ZNF69: variants seen among roughly 807,000 people sequenced by gnomAD.
The protein encoded by ZNF69 is ZNF3.
ZNF69 carries 47 observed loss-of-function variants against 50.9 expected under a neutral mutation model. That is an observed-to-expected ratio of 0.92 (90% confidence interval 0.73 to 1.18). The LOEUF (loss-of-function observed/expected upper bound fraction) is 1.18. ZNF69 is among the 50% of genes most tolerant of loss of function. ZNF69 has a pLI of 0.00. For missense variants in ZNF69, 717 were observed against 675.1 expected, an observed-to-expected ratio of 1.06 and a Z score of -0.69; for synonymous variants, 216 against 223.1, an observed-to-expected ratio of 0.97 and a Z score of 0.29.
rs145979430 is a variant in ZNF69, at chr19:11,895,429, G to A, written c.63+7443G>A. Among the ~76,000 whole-genome samples the A allele has an allele frequency of 8.1e-4, 123 of 152,286 alleles. 2 individuals are homozygous for A. In the South Asian group the frequency reaches 0.011, roughly 13 times the overall value. On this transcript the variant is annotated intron_variant, in intron 1 of 3. Coordinates refer to ENST00000429654, the MANE Select transcript of ZNF69 (RefSeq NM_001364730.1). ...CCAGGGAATTGAACAAGGAGACGTCGCTCAGGGAGTTGTTTCTGGTGGATT... is the reference window on the plus strand; with the variant it reads ...CCAGGGAATTGAACAAGGAGACGTCACTCAGGGAGTTGTTTCTGGTGGATT...
chr19:11,887,953 A>T lies in ZNF69; in HGVS notation c.30A>T (p.Arg10Ser). 1 of 1,612,480 alleles carries T rather than the reference A, an allele frequency of 6.2e-7. No individual in the cohort carries two copies. Among genetic ancestry groups the T allele is most frequent in the Non-Finnish European group, 8.5e-7 (1 of 1,178,938 alleles). MPCCSHRRC[R>S]EDPGTSESQE... The stretch of plus-strand genomic sequence containing the variant: ...CCTGCTGTAGTCACAGGAGGTGTAG[A>T]GAGGACCCCGGGACATCTGAAAGCC... Residue 10 changes from arginine to serine, a missense_variant, in exon 1 of 4, where the codon AGA (arginine) becomes AGT (serine). By Grantham distance (110) the Arg-to-Ser change is moderately radical. Coordinates refer to ENST00000429654, the MANE Select transcript of ZNF69 (RefSeq NM_001364730.1).
chr19:11,906,966 T>C (rs1972386681), downstream of ZNF69, among the ~76,000 whole-genome samples: 1 of 151,940 alleles, frequency 6.6e-6, no homozygotes, highest in Non-Finnish European at 1.5e-5. Flanking sequence ...GAATAAACAG[T>C]GTAGAGAAGA....
At chr19:11,933,204 A>T in the ZNF69 span, among the ~76,000 whole-genome samples, 1 of 145,838 alleles carries the variant, frequency 6.9e-6, no homozygotes, top group South Asian at 2.1e-4. Context: ...GATAGCTTGG[A>T]CTCAGGAGTT....
intron 1 of ZNF69, among the ~76,000 whole-genome samples, chr19:11,891,600 A>G (rs552228028): frequency 4.6e-5 from 7 of 152,242 alleles, no homozygotes; most frequent in Admixed American, 3.3e-4. Flanking sequence ...GGCTGACAGC[A>G]TCACAAAATT....
downstream of ZNF69, among the ~76,000 whole-genome samples, chr19:11,908,436 A>C (rs1972410653): frequency 6.6e-6 from 1 of 152,230 alleles, no homozygotes; most frequent in South Asian, 2.1e-4. Context: ...AGCACTCCTC[A>C]GCAAATGTAG....
chr19:11,894,238 C>T (rs1053379934), intron 1 of ZNF69, among the ~76,000 whole-genome samples: 2 of 152,164 alleles, frequency 1.3e-5, no homozygotes, highest in Admixed American at 6.5e-5. Flanking sequence ...GGCACGACCT[C>T]GGCTCACTGC....
intron 1 of ZNF69, 56 bp from the exon 2 acceptor site, chr19:11,903,517 G>C: frequency 1.2e-6 from 2 of 1,607,330 alleles, no homozygotes; most frequent in South Asian, 2.2e-5. Flanking sequence ...ATAGAGTCTA[G>C]GCCCCCAGTG....
chr19:11,978,990 C>T, the ZNF69 span: 22 of 1,614,062 alleles, frequency 1.4e-5, no homozygotes, highest in East Asian at 2.9e-4. Flanking sequence ...CAGTTCCCTT[C>T]GTAGACATGA....
At chr19:11,929,032 C>T in the ZNF69 span, among the ~76,000 whole-genome samples, 1 of 148,396 alleles carries the variant, frequency 6.7e-6, no homozygotes, top group African/African-American at 2.6e-5. Flanking sequence ...GGAAAGAAGG[C>T]GAATCTGTAA....
chr19:11,950,048 C>G, the ZNF69 span: 1 of 1,614,074 alleles, frequency 6.2e-7, no homozygotes, highest in South Asian at 1.1e-5. Flanking sequence ...GGAGAGAAGC[C>G]CTATGAATGT....
At chr19:11,952,526 G>A in the ZNF69 span, among the ~76,000 whole-genome samples, 1 of 152,158 alleles carries the variant, frequency 6.6e-6, no homozygotes, top group Admixed American at 6.5e-5. Flanking sequence ...TATATATTAT[G>A]CAATGGCATA....
chr19:11,952,225 C>G, the ZNF69 span, among the ~76,000 whole-genome samples: 2 of 152,178 alleles, frequency 1.3e-5, no homozygotes, highest in Non-Finnish European at 2.9e-5. Flanking sequence ...CAGCTCTAGA[C>G]TCTTGGACCG....
At chr19:11,947,405 C>T in the ZNF69 span, 6 of 1,603,804 alleles carry the variant, frequency 3.7e-6, no homozygotes, top group South Asian at 1.1e-5. Context: ...CAGGAAATAC[C>T]TTGATGAATA....
At chr19:11,918,755 A>G (rs547244450), downstream of ZNF69, among the ~76,000 whole-genome samples, 3 of 152,126 alleles carry the variant, frequency 2.0e-5, no homozygotes, top group East Asian at 3.9e-4. Context: ...ATGCTCAGCA[A>G]TTAGGGTTTT....
chr19:11,940,227 G>T, the ZNF69 span, among the ~76,000 whole-genome samples: 1 of 152,298 alleles, frequency 6.6e-6, no homozygotes, highest in Non-Finnish European at 1.5e-5. Flanking sequence ...ACAGTGCCCG[G>T]CCAAGATGTT....
the ZNF69 span, chr19:11,948,262 C>G: frequency 1.9e-6 from 3 of 1,608,154 alleles, no homozygotes; most frequent in Non-Finnish European, 1.7e-6. Flanking sequence ...TGATGTGTTT[C>G]TCATGTTTTA....
At chr19:11,890,238 G>A (rs756970927) in intron 1 of ZNF69, among the ~76,000 whole-genome samples, 1 of 152,210 alleles carries the variant, frequency 6.6e-6, no homozygotes, top group Non-Finnish European at 1.5e-5. Context: ...CCACGAGGCC[G>A]GATCTCAGGC....
At chr19:11,923,232 C>T in the ZNF69 span, among the ~76,000 whole-genome samples, 1 of 152,178 alleles carries the variant, frequency 6.6e-6, no homozygotes, top group African/African-American at 2.4e-5. Flanking sequence ...TGGGTGTTCA[C>T]TTTTCTTTCC....
chr19:11,906,953 C>G (rs1972386233), downstream of ZNF69, among the ~76,000 whole-genome samples: 1 of 152,126 alleles, frequency 6.6e-6, no homozygotes, highest in Non-Finnish European at 1.5e-5. Flanking sequence ...AAATGGCTAA[C>G]TAGAATAAAC....
Sources: allele counts gnomAD v4.1 joint callset (sites outside exome capture counted in the v4.1 genomes callset), GRCh38; gene constraint gnomAD v4.1.1; transcripts MANE v1.5; gene names NCBI Gene and HGNC (gene_info 2026-07-23, HGNC 2026-07-21).